The following LAMA4 variants were observed in gnomAD, a reference collection of about 807,000 sequenced individuals.
LAMA4 encodes laminin subunit alpha-4.
Under a neutral mutation model 207.1 loss-of-function variants are expected in LAMA4, and 127 were observed. That is an observed-to-expected ratio of 0.61 (90% CI 0.53 to 0.71). The LOEUF (loss-of-function observed/expected upper bound fraction) is 0.71. LAMA4 is among the 30% of genes least tolerant of loss of function. The pLI, the probability that LAMA4 is intolerant of heterozygous loss-of-function variation, is 0.00. For missense variants in LAMA4, 2,093 were observed against 2,246.5 expected (o/e 0.93, Z 1.38); for synonymous variants, 761 against 816.0 (o/e 0.93, Z 1.15).
chr6:112,173,096 C>A (rs1441771947), intron 11 of LAMA4, among the ~76,000 whole-genome samples: 1 of 152,074 alleles, frequency 6.6e-6, no homozygotes, highest in African/African-American at 2.4e-5. Context: ...TTATTATTAT[C>A]CAGATTATTA....
chr6:112,216,546 G>T, intron 2 of LAMA4, 77 bp from the exon 3 acceptor site: 1 of 927,778 alleles, frequency 1.1e-6, no homozygotes, highest in Non-Finnish European at 1.8e-6. Flanking sequence ...AGAAATCAGA[G>T]AAAGTGATTA....
intron 9 of LAMA4, among the ~76,000 whole-genome samples, chr6:112,181,540 A>G (rs984970646): frequency 4.6e-5 from 7 of 151,984 alleles, no homozygotes; most frequent in Admixed American, 4.6e-4. Flanking sequence ...CATAGTACTT[A>G]CCCCTTGCTT....
chr6:112,176,488 T>G (rs577141601), intron 10 of LAMA4, among the ~76,000 whole-genome samples: 5 of 152,334 alleles, frequency 3.3e-5, no homozygotes, highest in African/African-American at 1.2e-4. Flanking sequence ...GATAATAGCT[T>G]GAAGGTCGCC....
In LAMA4 at chr6:112,228,405, AT is replaced by A. The variant is rs113425147; in HGVS notation, c.196-11937del. On this transcript the variant is annotated intron_variant, in intron 2 of 38. Transcript: ENST00000230538. Reference sequence around the variant, plus strand: ...GAAGGCTTCCTCTAGACAAAAGGAAATGGAAAAAGCCATGAATTTCAGGAGG... The same window carrying A: ...GAAGGCTTCCTCTAGACAAAAGGAAAGGAAAAAGCCATGAATTTCAGGAGG... 6.6e-5 allele frequency among the ~76,000 whole-genome samples: 10 copies of A among 152,348 alleles called. 1 individual carries two copies. Among genetic ancestry groups the A allele is most frequent in the African/African-American group, 2.4e-4 (10 of 41,574 alleles).
chr6:112,211,373 A>G (rs1008200885), intron 3 of LAMA4, among the ~76,000 whole-genome samples: 3 of 152,226 alleles, frequency 2.0e-5, no homozygotes, highest in Non-Finnish European at 4.4e-5. Flanking sequence ...CTCATAAATT[A>G]CAAAATTAAA....
intron 38 of LAMA4, among the ~76,000 whole-genome samples, chr6:112,112,327 G>A (rs1055458550): frequency 8.5e-5 from 13 of 152,254 alleles, no homozygotes; most frequent in Middle Eastern, 3.4e-3. Flanking sequence ...GGAAAGGCCC[G>A]GAGCAAAGAT....
chr6:112,206,878 A>G (rs1554354435), intron 4 of LAMA4, 143 bp downstream of exon 4: 7 of 933,254 alleles, frequency 7.5e-6, no homozygotes, highest in East Asian at 2.5e-5. Flanking sequence ...AACTTTTTCT[A>G]TATCTTTTCC....
rs149514241 is a variant in LAMA4 at position 112,201,251 on chromosome 6, T to A, written c.503+357A>T. 1.8e-3 allele frequency among the ~76,000 whole-genome samples: 279 copies of A among 152,334 alleles called. 1 individual carries two copies. The highest frequency in any genetic ancestry group is 6.2e-3 in the African/African-American group (256 of 41,570). Reference sequence around the variant, plus strand: ...TTTATTTACTGAGGAAACCTCACTCTTTTCTGGGGAACACTAATTTTAGTA... The same window carrying A: ...TTTATTTACTGAGGAAACCTCACTCATTTCTGGGGAACACTAATTTTAGTA... On this transcript the variant is annotated intron_variant, in intron 5 of 38. Coordinates refer to ENST00000230538, the MANE Select transcript of LAMA4 (RefSeq NM_001105206.3).
chr6:112,119,117 C>G (rs587619133), intron 34 of LAMA4, 39 bp downstream of exon 34: 20 of 1,608,876 alleles, frequency 1.2e-5, no homozygotes, highest in East Asian at 8.9e-5. Context: ...TCTTCTGGCT[C>G]TAATGGTCAA....
intron 4 of LAMA4, among the ~76,000 whole-genome samples, chr6:112,202,900 G>T (rs1783842725): frequency 6.6e-6 from 1 of 152,152 alleles, no homozygotes; most frequent in Non-Finnish European, 1.5e-5. Flanking sequence ...GGGGCATCTG[G>T]AGTCATCCGC....
chr6:112,181,598 C>T (rs1314222214), intron 9 of LAMA4, among the ~76,000 whole-genome samples: 2 of 152,326 alleles, frequency 1.3e-5, no homozygotes, highest in Admixed American at 6.5e-5. Context: ...CAGGCCAATA[C>T]TCACCTTCTC....
intron 2 of LAMA4, among the ~76,000 whole-genome samples, chr6:112,231,634 C>T (rs569787253): frequency 6.6e-6 from 1 of 152,216 alleles, no homozygotes; most frequent in South Asian, 2.1e-4. Context: ...GACAATGGGC[C>T]CTGGAAAAGG....
At chr6:112,185,055 C>T (rs1035748333) in intron 9 of LAMA4, among the ~76,000 whole-genome samples, 182 bp downstream of exon 9, 22 of 152,158 alleles carry the variant, frequency 1.4e-4, no homozygotes, top group African/African-American at 2.9e-4. Context: ...CGAGAGGAGA[C>T]GGTAGAGACT....
Position 112,135,943 on chromosome 6 carries a change from A to T in LAMA4, c.3414+180T>A, listed in dbSNP as rs2032565. The T allele has an allele frequency of 0.75, 420,368 of 560,036 alleles. 159,501 individuals carry two copies. Among genetic ancestry groups the T allele is most frequent in the African/African-American group, 0.86 (45,480 of 52,794 alleles). The allele number at this position is 560,036 out of a possible 1,614,324, so 34.7% of individuals were successfully genotyped here. On this transcript the variant is annotated intron_variant, in intron 25 of 38. Transcript: ENST00000230538. ...AACATCAACAGGAAAAATACATCCA[A>T]TGTTTTAAAGTAAATGTTTTCCTAG...
rs1782762899 is a variant in LAMA4, at chr6:112,187,552, C to T, written c.864G>A (p.Ala288=). 3.7e-6 allele frequency: 6 copies of T among 1,613,914 alleles called. No individual in the cohort carries two copies. In the South Asian group the frequency reaches 4.4e-5, roughly 12 times the overall value. ...CGGATTTGCCTTCCTCGATGGAGAG[C>T]GCTGCTAACCGCAGGTCATCAGTCA... ...WDLTDDLRLA[A]LSIEEGKSGV... is the part of the protein sequence containing the mutation. The change falls in exon 8 of 39, where the codon GCG becomes GCA. Residue 288 remains alanine, a synonymous_variant. Coordinates refer to ENST00000230538, the MANE Select transcript of LAMA4 (RefSeq NM_001105206.3).
intron 2 of LAMA4, among the ~76,000 whole-genome samples, chr6:112,227,109 T>C (rs1554362801): frequency 6.6e-6 from 1 of 151,836 alleles, no homozygotes; most frequent in Admixed American, 6.6e-5. Context: ...TCTCGCTCTG[T>C]TGCCCAGGCT....
At chr6:112,128,436 GGGA>G (rs764887105) in intron 31 of LAMA4, among the ~76,000 whole-genome samples, 6 of 152,126 alleles carry the variant, frequency 3.9e-5, no homozygotes, top group Non-Finnish European at 8.8e-5. Flanking sequence ...GGGCAGCGGC[GGGA>G]GGAGGATAGG....
chr6:112,129,724 A>C (rs1554328932), intron 30 of LAMA4, 152 bp downstream of exon 30: 1 of 671,270 alleles, frequency 1.5e-6, no homozygotes, highest in Non-Finnish European at 2.5e-6. Context: ...ACAGAAACCC[A>C]AGTATGACAG....
chr6:112,175,489 A>G lies in LAMA4; in HGVS notation c.1190-9T>C, dbSNP rs1554343434. The G allele has an allele frequency of 1.2e-6, 2 of 1,614,054 alleles. No individual in the cohort carries two copies. Among genetic ancestry groups the G allele is most frequent in the Admixed American group, 1.7e-5 (1 of 60,012 alleles). ...CATCTTGTTGTTGATCTCTGAAAGG[A>G]AGAACATGGTGAAACAAGGCAGCAG... is the stretch of plus-strand genomic sequence containing the variant. On this transcript the variant is annotated splice_polypyrimidine_tract_variant and intron_variant, in intron 10 of 38. Coordinates refer to ENST00000230538, the MANE Select transcript of LAMA4 (RefSeq NM_001105206.3).
Sources: gnomAD v4.1 joint callset for allele counts (sites outside exome capture counted in the v4.1 genomes callset) on GRCh38, gnomAD v4.1.1 for gene constraint, MANE v1.5 for transcripts, NCBI Gene and HGNC (gene_info 2026-07-23, HGNC 2026-07-21) for gene names.